SDK1: variants seen among roughly 807,000 people sequenced by gnomAD.
SDK1 encodes sidekick cell adhesion molecule 1, also known as protein sidekick-1.
A neutral mutation model predicts 245.5 loss-of-function variants in SDK1; 157 were observed. The observed-to-expected ratio is 0.64, with a 90% CI of 0.56 to 0.73. The LOEUF (loss-of-function observed/expected upper bound fraction) is 0.73, where lower values mean the gene tolerates loss of function less well. SDK1 is among the 30% of genes least tolerant of loss of function. The pLI is 0.00. For missense variants in SDK1, 3,583 were observed against 3,002.3 expected, an observed-to-expected ratio of 1.19 and a Z score of -4.52; for synonymous variants, 1,647 against 1,278.5, an observed-to-expected ratio of 1.29 and a Z score of -6.15.
chr7:3,409,053 A>G (rs942523743), intron 1 of SDK1, among the ~76,000 whole-genome samples: 5 of 152,216 alleles, frequency 3.3e-5, no homozygotes, highest in African/African-American at 1.2e-4. Context: ...TAAGAATGGC[A>G]TAACTGTGGT....
chr7:3,766,478 T>A (rs1039908412), intron 4 of SDK1, among the ~76,000 whole-genome samples: 2 of 152,226 alleles, frequency 1.3e-5, no homozygotes, highest in African/African-American at 4.8e-5. Flanking sequence ...AGTTTTCTTA[T>A]CTAGCAAATG....
chr7:3,550,697 T>G (rs966668313), intron 1 of SDK1, among the ~76,000 whole-genome samples: 1 of 152,244 alleles, frequency 6.6e-6, no homozygotes, highest in African/African-American at 2.4e-5. Context: ...CATTAAAATA[T>G]AAAGTAAAAA....
At chr7:3,959,524 A>T (rs1160876984) in intron 8 of SDK1, among the ~76,000 whole-genome samples, 3 of 152,190 alleles carry the variant, frequency 2.0e-5, no homozygotes, top group Non-Finnish European at 4.4e-5. Flanking sequence ...TGCGTCCGTC[A>T]CTGGAGTGAT....
intron 21 of SDK1, 130 bp downstream of exon 21, chr7:4,077,319 G>C (rs1295055970): frequency 2.4e-6 from 2 of 835,888 alleles, no homozygotes; most frequent in Non-Finnish European, 3.8e-6. Context: ...CTCCTGCCAA[G>C]ATGCTGGAGG....
chr7:3,404,385 T>G (rs1778997525), intron 1 of SDK1, among the ~76,000 whole-genome samples: 1 of 152,194 alleles, frequency 6.6e-6, no homozygotes, highest in Admixed American at 6.5e-5. Context: ...TTGTAATAAT[T>G]TACCTCTTTT....
At chr7:3,430,524 C>A (rs145309540) in intron 1 of SDK1, among the ~76,000 whole-genome samples, 4 of 152,274 alleles carry the variant, frequency 2.6e-5, no homozygotes, top group South Asian at 2.1e-4. Context: ...TCCTCCTGCT[C>A]GTCAGCTTCA....
intron 4 of SDK1, among the ~76,000 whole-genome samples, chr7:3,819,206 C>T (rs184418152): frequency 1.5e-4 from 22 of 149,996 alleles, no homozygotes; most frequent in Non-Finnish European, 2.2e-4. Flanking sequence ...GTAGCATTTT[C>T]ATGGTGTCTT....
intron 5 of SDK1, among the ~76,000 whole-genome samples, chr7:3,878,806 C>G (rs368003251): frequency 6.6e-6 from 1 of 151,934 alleles, no homozygotes; most frequent in African/African-American, 2.4e-5. Flanking sequence ...TTATTTTTCT[C>G]CTAATATCAG....
intron 5 of SDK1, among the ~76,000 whole-genome samples, chr7:3,942,321 C>G (rs1159055892): frequency 1.3e-5 from 2 of 152,096 alleles, no homozygotes; most frequent in African/African-American, 4.8e-5. Context: ...ATGGACCAGC[C>G]CACCAGCAGG....
chr7:3,875,444 A>T (rs1253912736), intron 5 of SDK1, among the ~76,000 whole-genome samples: 1 of 152,226 alleles, frequency 6.6e-6, no homozygotes, highest in South Asian at 2.1e-4. Flanking sequence ...TCCCCAGATC[A>T]CAAATTAAAC....
At chr7:3,625,522 G>A (rs1001293454) in intron 2 of SDK1, among the ~76,000 whole-genome samples, 3 of 152,178 alleles carry the variant, frequency 2.0e-5, no homozygotes, top group Non-Finnish European at 4.4e-5. Context: ...ATGAAGCAGG[G>A]AGGAAGGAAG....
intron 4 of SDK1, among the ~76,000 whole-genome samples, chr7:3,807,482 A>G (rs779686235): frequency 3.3e-5 from 5 of 152,132 alleles, no homozygotes; most frequent in Non-Finnish European, 7.4e-5. Flanking sequence ...CAGTTTTGTG[A>G]TCCCCTCTAC....
At chr7:4,107,553 C>T (rs1392076286) in intron 22 of SDK1, among the ~76,000 whole-genome samples, 24 of 151,918 alleles carry the variant, frequency 1.6e-4, no homozygotes, top group Non-Finnish European at 1.5e-5. Flanking sequence ...GGTTTAACAC[C>T]CAGAGGACTG....
chr7:3,619,835 C>G (rs73039619), intron 2 of SDK1, among the ~76,000 whole-genome samples: 6,774 of 152,302 alleles, frequency 0.044, 266 homozygotes, highest in Non-Finnish European at 0.057. Context: ...GACAGAGGGC[C>G]TGAACCTGTG....
chr7:3,470,761 T>G (rs146543481), intron 1 of SDK1, among the ~76,000 whole-genome samples: 79 of 152,288 alleles, frequency 5.2e-4, no homozygotes, highest in African/African-American at 1.8e-3. Flanking sequence ...ATCCCAGGCT[T>G]TTTATGAAAT....
intron 4 of SDK1, among the ~76,000 whole-genome samples, chr7:3,745,023 C>T (rs1779579366): frequency 6.6e-6 from 1 of 152,120 alleles, no homozygotes. Flanking sequence ...AAACCGGCCT[C>T]CATGTGATGA....
At chr7:3,799,246 A>G (rs1175481803) in intron 4 of SDK1, among the ~76,000 whole-genome samples, 3 of 152,130 alleles carry the variant, frequency 2.0e-5, no homozygotes, top group Non-Finnish European at 4.4e-5. Context: ...AAATTGTGTT[A>G]AATCTTCCAA....
At chr7:3,568,165 A>G (rs1779987708) in intron 1 of SDK1, among the ~76,000 whole-genome samples, 1 of 152,234 alleles carries the variant, frequency 6.6e-6, no homozygotes, top group South Asian at 2.1e-4. Flanking sequence ...TTGTTGTTTG[A>G]ACCAGTGTCA....
At chr7:3,542,764 C>CT (rs1449388214) in intron 1 of SDK1, among the ~76,000 whole-genome samples, 1 of 152,084 alleles carries the variant, frequency 6.6e-6, no homozygotes, top group Non-Finnish European at 1.5e-5. Context: ...ACTAGAAGTG[C>CT]TTTTAAAGAA....
Sources: allele counts gnomAD v4.1 joint callset (sites outside exome capture counted in the v4.1 genomes callset), GRCh38; gene constraint gnomAD v4.1.1; transcripts MANE v1.5; gene names NCBI Gene and HGNC (gene_info 2026-07-23, HGNC 2026-07-21).